The following MYT1L variants were observed in gnomAD, a reference collection of about 807,000 sequenced individuals.
MYT1L encodes the protein myelin transcription factor 1 like.
A neutral mutation model predicts 126.7 loss-of-function variants in MYT1L; 12 were observed. The observed-to-expected ratio is 0.09, with a 90% CI of 0.06 to 0.15. The LOEUF (loss-of-function observed/expected upper bound fraction) is 0.15. Among genes scored for constraint, MYT1L ranks in the 10% least tolerant of loss-of-function variants. MYT1L has a pLI of 1.00. For synonymous variants in MYT1L, 541 were observed against 604.2 expected (o/e 0.90, Z 1.53); for missense variants, 979 against 1,585.2 (o/e 0.62, Z 6.49).
chr2:2,295,565 C>CAGAG (rs60405946), intron 1 of MYT1L, among the ~76,000 whole-genome samples: 1 of 33,834 alleles, frequency 3.0e-5, no homozygotes, highest in Non-Finnish European at 5.7e-5. Flanking sequence ...GACAGACAGA[C>CAGAG]AGAGAGAGAG....
chr2:2,188,201 CAAAAAGG>C (rs1451940501), intron 2 of MYT1L, among the ~76,000 whole-genome samples: 2 of 152,088 alleles, frequency 1.3e-5, no homozygotes, highest in African/African-American at 2.4e-5. Context: ...GAACCTAACA[CAAAAAGG>C]CATATTACTC....
chr2:2,020,696 T>C (rs2149824275), intron 4 of MYT1L, among the ~76,000 whole-genome samples: 1 of 152,380 alleles, frequency 6.6e-6, no homozygotes, highest in South Asian at 2.1e-4. Flanking sequence ...TCCTAAGTTT[T>C]AAACTTTGAT....
At chr2:2,192,981 A>G (rs953722431) in intron 2 of MYT1L, among the ~76,000 whole-genome samples, 10 of 151,970 alleles carry the variant, frequency 6.6e-5, no homozygotes, top group Non-Finnish European at 1.0e-4. Context: ...TTTTTTTCTT[A>G]AGACAGAGTC....
At chr2:2,111,508 A>G (rs1351878869) in intron 3 of MYT1L, among the ~76,000 whole-genome samples, 1 of 152,244 alleles carries the variant, frequency 6.6e-6, no homozygotes, top group African/African-American at 2.4e-5. Context: ...CCATTTTCAA[A>G]TACTAATTTT....
chr2:2,131,312 A>C (rs2148021585), intron 3 of MYT1L, among the ~76,000 whole-genome samples: 1 of 152,308 alleles, frequency 6.6e-6, no homozygotes, highest in East Asian at 1.9e-4. Flanking sequence ...CATAAATCAA[A>C]CAGCCTATGA....
At chr2:2,137,051 A>C in intron 3 of MYT1L, among the ~76,000 whole-genome samples, 1 of 149,356 alleles carries the variant, frequency 6.7e-6, no homozygotes, top group South Asian at 2.1e-4. Context: ...AATAACAGAC[A>C]AACAGAGAGC....
intron 8 of MYT1L, among the ~76,000 whole-genome samples, chr2:1,946,556 A>C (rs546954946): frequency 1.1e-4 from 17 of 152,218 alleles, no homozygotes; most frequent in South Asian, 8.3e-4. Context: ...TAAGTCTGTA[A>C]GATGAGGGCA....
At chr2:2,189,922 G>A (rs1468476386) in intron 2 of MYT1L, among the ~76,000 whole-genome samples, 3 of 151,458 alleles carry the variant, frequency 2.0e-5, no homozygotes, top group Non-Finnish European at 4.4e-5. Context: ...TTCTCAGGAC[G>A]CACGGGGAGA....
chr2:2,145,503 A>C (rs992449208), intron 3 of MYT1L, among the ~76,000 whole-genome samples: 1 of 152,154 alleles, frequency 6.6e-6, no homozygotes, highest in Non-Finnish European at 1.5e-5. Context: ...TGGGATACAA[A>C]GGGTGTCCAC....
intron 3 of MYT1L, among the ~76,000 whole-genome samples, chr2:2,130,057 T>C (rs1042038175): frequency 6.6e-6 from 1 of 152,242 alleles, no homozygotes; most frequent in South Asian, 2.1e-4. Context: ...ATCAGCAATC[T>C]AATGGTAGAT....
intron 4 of MYT1L, among the ~76,000 whole-genome samples, chr2:2,032,546 TC>T: frequency 1.6e-5 from 1 of 60,962 alleles, no homozygotes; most frequent in Middle Eastern, 0.013. Flanking sequence ...CTTACACACA[TC>T]CCTCCCCAGT....
chr2:2,005,206 T>C lies in MYT1L; in HGVS notation c.-157-7859A>G, dbSNP rs532255304. Among the ~76,000 whole-genome samples, 5 of 150,240 alleles carry C rather than the reference T, an allele frequency of 3.3e-5. 1 individual carries two copies. In the East Asian group the frequency reaches 6.1e-4, roughly 18 times the overall value. On this transcript the variant is annotated intron_variant, in intron 4 of 24. Coordinates refer to ENST00000647738, the MANE Select transcript of MYT1L (RefSeq NM_001303052.2). Reference sequence around the variant, plus strand: ...TGTGTTTTTTCCTGCAGGCATTCTTTCCTGAATATGTTCTTTCCTGCGTGC... The same window carrying C: ...TGTGTTTTTTCCTGCAGGCATTCTTCCCTGAATATGTTCTTTCCTGCGTGC...
chr2:2,269,577 C>T (rs2095219407), intron 2 of MYT1L, among the ~76,000 whole-genome samples: 1 of 152,156 alleles, frequency 6.6e-6, no homozygotes. Flanking sequence ...CATGCTCTTC[C>T]CTCCAAGCTG....
intron 14 of MYT1L, among the ~76,000 whole-genome samples, chr2:1,898,578 C>A (rs768767593): frequency 6.6e-6 from 1 of 152,218 alleles, no homozygotes; most frequent in African/African-American, 2.4e-5. Flanking sequence ...TCTGCAGACC[C>A]GGCCTGTGAC....
At chr2:2,250,092 C>T (rs1043079551) in intron 2 of MYT1L, among the ~76,000 whole-genome samples, 19 of 152,150 alleles carry the variant, frequency 1.2e-4, no homozygotes, top group African/African-American at 3.9e-4. Context: ...ATTAGTACAA[C>T]CACTATAGAG....
At chr2:2,140,292 A>G (rs1219371546) in intron 3 of MYT1L, among the ~76,000 whole-genome samples, 1 of 152,206 alleles carries the variant, frequency 6.6e-6, no homozygotes, top group Non-Finnish European at 1.5e-5. Context: ...TCAGGAACCA[A>G]TAAGAATGTT....
At chr2:2,292,726 C>A (rs140772580) in intron 1 of MYT1L, among the ~76,000 whole-genome samples, 1 of 152,234 alleles carries the variant, frequency 6.6e-6, no homozygotes, top group East Asian at 1.9e-4. Context: ...TTAAAAAAGA[C>A]GAAGTGGTTC....
chr2:2,222,668 G>T (rs1031669246), intron 2 of MYT1L, among the ~76,000 whole-genome samples: 5 of 151,998 alleles, frequency 3.3e-5, no homozygotes, highest in Non-Finnish European at 7.4e-5. Context: ...TAAGATGTAA[G>T]ATGGACTCCA....
intron 1 of MYT1L, among the ~76,000 whole-genome samples, chr2:2,299,972 T>C (rs1036983656): frequency 1.3e-5 from 2 of 152,224 alleles, no homozygotes; most frequent in African/African-American, 4.8e-5. Context: ...GGTATATCAA[T>C]GGCTTAGAAG....
Sources: gnomAD v4.1 joint callset for allele counts (sites outside exome capture counted in the v4.1 genomes callset) on GRCh38, gnomAD v4.1.1 for gene constraint, MANE v1.5 for transcripts, NCBI Gene and HGNC (gene_info 2026-07-23, HGNC 2026-07-21) for gene names.